The following KCNMA1 variants were observed in gnomAD, a reference collection of about 807,000 sequenced individuals.
KCNMA1 encodes Calcium-activated potassium channel subunit alpha-1.
In KCNMA1, 29 loss-of-function variants were observed where a neutral mutation model predicts 140.0. The observed-to-expected ratio is 0.21, with a 90% CI of 0.15 to 0.28. KCNMA1 has a LOEUF of 0.28. KCNMA1 is among the 10% of genes least tolerant of loss of function. The probability of loss-of-function intolerance (pLI) is 1.00; values close to 1 mark genes in which losing one functional copy is unlikely to be tolerated. For missense variants in KCNMA1, 880 were observed against 1,602.2 expected (o/e 0.55, Z 7.70); for synonymous variants, 612 against 611.9 (o/e 1.00, Z 0.00).
At chr10:77,169,492 C>A (rs1413652014) in intron 5 of KCNMA1, among the ~76,000 whole-genome samples, 1 of 151,998 alleles carries the variant, frequency 6.6e-6, no homozygotes, top group East Asian at 1.9e-4. Context: ...AAGGCTCAAG[C>A]AATCCTCCCA....
intron 1 of KCNMA1, among the ~76,000 whole-genome samples, chr10:77,408,287 T>C (rs1417784136): frequency 6.6e-6 from 1 of 152,156 alleles, no homozygotes; most frequent in Admixed American, 6.5e-5. Context: ...CGCCCAAACC[T>C]TCCACCTCCC....
At chr10:77,140,416 G>C (rs1207509153) in intron 5 of KCNMA1, 2 of 152,602 alleles carry the variant, frequency 1.3e-5, no homozygotes, top group Non-Finnish European at 2.9e-5. Context: ...GTCCCCCAGG[G>C]ACTTCTTGCG....
In KCNMA1 at chr10:76,887,163, G is replaced by A; in HGVS notation, c.*103C>T. Reference sequence around the variant, plus strand: ...TATGCAAATATGTGTAAAAAAAAAGGGGGGGACTACAGGGGAAAACAGGGA... The same window carrying A: ...TATGCAAATATGTGTAAAAAAAAAGAGGGGGACTACAGGGGAAAACAGGGA... On this transcript the variant is annotated 3_prime_UTR_variant, in exon 28 of 28. Transcript: ENST00000286628. The A allele has an allele frequency of 2.5e-6, 4 of 1,611,140 alleles. No individual in the cohort carries two copies. The highest frequency in any genetic ancestry group is 2.2e-5 in the South Asian group (2 of 90,198).
intron 4 of KCNMA1, 148 bp downstream of exon 4, chr10:77,184,675 G>T: frequency 1.4e-6 from 1 of 697,774 alleles, no homozygotes; most frequent in Non-Finnish European, 2.6e-6. Context: ...TAAGGAGAGG[G>T]CTCTCTCTCA....
chr10:76,990,153 T>C (rs898813063), intron 19 of KCNMA1, among the ~76,000 whole-genome samples: 4 of 152,196 alleles, frequency 2.6e-5, no homozygotes, highest in African/African-American at 9.6e-5. Context: ...ATGATGTCTA[T>C]GCTGGGGATG....
intron 9 of KCNMA1, among the ~76,000 whole-genome samples, chr10:77,099,009 G>A (rs2097019043): frequency 6.6e-6 from 1 of 151,990 alleles, no homozygotes; most frequent in Admixed American, 6.6e-5. Flanking sequence ...GAGAAATCAG[G>A]GAGCTGAATG....
At chr10:77,277,127 C>A (rs770752978) in intron 2 of KCNMA1, among the ~76,000 whole-genome samples, 5 of 152,142 alleles carry the variant, frequency 3.3e-5, no homozygotes, top group Non-Finnish European at 7.4e-5. Context: ...CTTAAGAGAG[C>A]TTTGCCTTCC....
chr10:77,622,970 GA>G (rs1165272884), intron 1 of KCNMA1, among the ~76,000 whole-genome samples: 1 of 152,204 alleles, frequency 6.6e-6, no homozygotes, highest in Non-Finnish European at 1.5e-5. Flanking sequence ...CTGAGGTCAG[GA>G]AGTAAAAAGG....
At chr10:77,207,101 T>G (rs768807287) in intron 3 of KCNMA1, among the ~76,000 whole-genome samples, 1 of 152,172 alleles carries the variant, frequency 6.6e-6, no homozygotes. Flanking sequence ...CCGCTTTCAT[T>G]TGAAGGCAAA....
chr10:77,371,907 T>A (rs1003952930), intron 2 of KCNMA1, among the ~76,000 whole-genome samples: 7 of 152,184 alleles, frequency 4.6e-5, no homozygotes, highest in African/African-American at 1.4e-4. Context: ...CTTAAAAAAT[T>A]CTTGCTGACC....
intron 19 of KCNMA1, among the ~76,000 whole-genome samples, chr10:76,985,974 T>C (rs956553918): frequency 1.3e-5 from 2 of 152,210 alleles, no homozygotes; most frequent in African/African-American, 4.8e-5. Flanking sequence ...AGGGATTGTG[T>C]TTCTCACTTG....
At chr10:77,418,654 C>A (rs1444879096) in intron 1 of KCNMA1, among the ~76,000 whole-genome samples, 1 of 152,154 alleles carries the variant, frequency 6.6e-6, no homozygotes, top group Non-Finnish European at 1.5e-5. Flanking sequence ...GAAGTTGGAT[C>A]CAGAAAAAGA....
rs139738946 is a variant in KCNMA1 at position 77,256,211 on chromosome 10, G to A, written c.541-4955C>T. On this transcript the variant is annotated intron_variant, in intron 2 of 27. Transcript: ENST00000286628. ...AAGCTGGCTCTTAGAAATATTTCCTGTTCTAGAACCTGGACTGGAGTTGCT... is the reference window on the plus strand; with the variant it reads ...AAGCTGGCTCTTAGAAATATTTCCTATTCTAGAACCTGGACTGGAGTTGCT... Among the ~76,000 whole-genome samples, 249 of 152,294 alleles carry A rather than the reference G, an allele frequency of 1.6e-3. 2 individuals are homozygous for A. Among genetic ancestry groups the A allele is most frequent in the African/African-American group, 5.7e-3 (236 of 41,554 alleles).
chr10:77,018,813 C>T lies in KCNMA1; in HGVS notation c.2015+200G>A, dbSNP rs543268440. 3.2e-4 allele frequency among the ~76,000 whole-genome samples: 48 copies of T among 152,240 alleles called. 1 individual carries two copies. In the South Asian group the frequency reaches 9.9e-3, roughly 32 times the overall value. On this transcript the variant is annotated intron_variant, in intron 17 of 27. Coordinates refer to ENST00000286628, the MANE Select transcript of KCNMA1 (RefSeq NM_001161352.2). ...ATAAATGAGCAGGTAACTAGGCTTC[C>T]TAGTTCTAAAATTTTATTATTCTCA...
At chr10:77,077,885 G>A (rs12357899) in intron 13 of KCNMA1, 3,413 of 152,266 alleles carry the variant, frequency 0.022, 58 homozygotes, top group South Asian at 0.052. Context: ...ACAAACAGGC[G>A]AATGTGACCT....
At chr10:77,007,462 T>C (rs368921765) in intron 18 of KCNMA1, among the ~76,000 whole-genome samples, 22 of 152,018 alleles carry the variant, frequency 1.4e-4, no homozygotes, top group African/African-American at 4.3e-4. Context: ...AGTAAGACAA[T>C]TGAGATACTT....
rs372060529 is a variant in KCNMA1 at position 77,144,392 on chromosome 10, C to T, written c.809-23344G>A. On this transcript the variant is annotated intron_variant, in intron 5 of 27. Coordinates refer to ENST00000286628, the MANE Select transcript of KCNMA1 (RefSeq NM_001161352.2). ...CAAGACTAATCTATAGTGATTGAAGCCAAGATAGTGATTTTTTTATGTTCA... is the reference window on the plus strand; with the variant it reads ...CAAGACTAATCTATAGTGATTGAAGTCAAGATAGTGATTTTTTTATGTTCA... Among the ~76,000 whole-genome samples the T allele has an allele frequency of 1.8e-4, 28 of 152,132 alleles. No individual in the cohort carries two copies. The South Asian group carries it at 5.4e-3, about 29-fold the overall frequency.
intron 2 of KCNMA1, chr10:77,313,861 C>T (rs1222448807): frequency 6.6e-6 from 1 of 152,166 alleles, no homozygotes; most frequent in Non-Finnish European, 1.5e-5. Context: ...ACTGTAGTAG[C>T]AATTTACATT....
At chr10:77,323,606 T>C (rs12263942) in intron 2 of KCNMA1, among the ~76,000 whole-genome samples, 25,211 of 152,212 alleles carry the variant, frequency 0.17, 3,137 homozygotes, top group African/African-American at 0.35. Context: ...CACATACCTA[T>C]TGAGCTGCAA....
Sources: allele counts gnomAD v4.1 joint callset (sites outside exome capture counted in the v4.1 genomes callset), GRCh38; gene constraint gnomAD v4.1.1; transcripts MANE v1.5; gene names NCBI Gene and HGNC (gene_info 2026-07-23, HGNC 2026-07-21).